ATP9B: variants seen among roughly 807,000 people sequenced by gnomAD.
ATP9B encodes the protein probable phospholipid-transporting ATPase IIB.
Under a neutral mutation model 146.1 loss-of-function variants are expected in ATP9B, and 110 were observed. That is an observed-to-expected ratio of 0.75 (90% confidence interval 0.65 to 0.88). ATP9B has a LOEUF of 0.88. Ranked by LOEUF, ATP9B falls within the 40% of genes least tolerant of loss-of-function variation. ATP9B has a pLI of 0.00. For synonymous variants in ATP9B, 604 were observed against 569.7 expected, an observed-to-expected ratio of 1.06 and a Z score of -0.86; for missense variants, 1,499 against 1,496.4, an observed-to-expected ratio of 1.00 and a Z score of -0.03.
chr18:79,090,840 C>A (rs765082126), intron 1 of ATP9B, among the ~76,000 whole-genome samples: 1 of 151,998 alleles, frequency 6.6e-6, no homozygotes, highest in East Asian at 1.9e-4. Context: ...GGGGTATTGC[C>A]GAAGAAGTCT....
chr18:79,245,856 ACCGCC>A (rs2095949085), intron 11 of ATP9B, among the ~76,000 whole-genome samples: 1 of 133,408 alleles, frequency 7.5e-6, no homozygotes, highest in Non-Finnish European at 1.6e-5. Flanking sequence ...TGCGGAGGGC[ACCGCC>A]CTACTGTCTG....
Position 79,176,841 on chromosome 18 carries a change from A to C in ATP9B, c.807A>C (p.Leu269=). The change falls in exon 8 of 30, where the codon CTA becomes CTC. Residue 269 remains leucine, a synonymous_variant. Transcript: ENST00000426216. ...CGTGTTTTATTCGAACTGATCAACT[A>C]GATGGTGAAACTGACTGGAAGCTGA... ...AGSCFIRTDQ[L]DGETDWKLKV... 6.2e-7 allele frequency: 1 copy of C among 1,614,116 alleles called. No homozygotes were observed. The highest frequency in any genetic ancestry group is 8.5e-7 in the Non-Finnish European group (1 of 1,179,992).
intron 26 of ATP9B, among the ~76,000 whole-genome samples, chr18:79,369,234 T>C (rs1161880298): frequency 6.7e-6 from 1 of 149,890 alleles, no homozygotes; most frequent in Non-Finnish European, 1.5e-5. Context: ...CCGTCTCTAC[T>C]AAAAATACAA....
At chr18:79,198,436 AT>A (rs2095436627) in intron 9 of ATP9B, among the ~76,000 whole-genome samples, 1 of 152,222 alleles carries the variant, frequency 6.6e-6, no homozygotes, top group Non-Finnish European at 1.5e-5. Flanking sequence ...AGCCCTAAAC[AT>A]TTATGCACTA....
At chr18:79,275,820 C>A (rs2096302127) in intron 12 of ATP9B, among the ~76,000 whole-genome samples, 2 of 152,184 alleles carry the variant, frequency 1.3e-5, no homozygotes, top group African/African-American at 4.8e-5. Context: ...TGGTGAGGTG[C>A]TGGTTTAAAA....
At chr18:79,155,779 T>C (rs1301461437) in intron 7 of ATP9B, among the ~76,000 whole-genome samples, 137 of 105,812 alleles carry the variant, frequency 1.3e-3, no homozygotes, top group African/African-American at 5.7e-3. Flanking sequence ...TTTTTTTTTT[T>C]TGAGATGGAG....
intron 12 of ATP9B, chr18:79,254,590 C>T (rs1044644357): frequency 6.6e-6 from 1 of 152,350 alleles, no homozygotes; most frequent in Non-Finnish European, 1.5e-5. Context: ...ATAGCAACTT[C>T]TCATTGCGGC....
intron 1 of ATP9B, among the ~76,000 whole-genome samples, chr18:79,089,771 A>C (rs921534884): frequency 6.6e-6 from 1 of 152,196 alleles, no homozygotes; most frequent in Non-Finnish European, 1.5e-5. Flanking sequence ...TGTGTTAGGA[A>C]CTTTGCAATT....
At chr18:79,360,222 C>G (rs1336699573) in intron 26 of ATP9B, 6 of 152,180 alleles carry the variant, frequency 3.9e-5, no homozygotes, top group African/African-American at 1.4e-4. Context: ...GTATTTTCCA[C>G]AAAGCTAGCT....
intron 13 of ATP9B, among the ~76,000 whole-genome samples, chr18:79,291,324 T>G (rs146676280): frequency 6.6e-6 from 1 of 152,178 alleles, no homozygotes; most frequent in African/African-American, 2.4e-5. Context: ...AGCTTCCAAT[T>G]TGGGGGCATA....
chr18:79,072,041 T>A (rs1201437704), intron 1 of ATP9B, among the ~76,000 whole-genome samples: 1 of 152,118 alleles, frequency 6.6e-6, no homozygotes, highest in African/African-American at 2.4e-5. Flanking sequence ...TTGGATCTTA[T>A]GTTGGTGTTT....
chr18:79,074,457 T>C (rs2072355226), intron 1 of ATP9B, among the ~76,000 whole-genome samples: 1 of 152,246 alleles, frequency 6.6e-6, no homozygotes, highest in Non-Finnish European at 1.5e-5. Context: ...TCTTAGGTTA[T>C]GGATAAAAAG....
intron 11 of ATP9B, among the ~76,000 whole-genome samples, chr18:79,245,618 ACTG>A (rs1314387766): frequency 1.1e-4 from 7 of 65,592 alleles, no homozygotes; most frequent in African/African-American, 1.3e-4. Flanking sequence ...GTACCACCCT[ACTG>A]ACTGGGGAGG....
chr18:79,093,020 T>C (rs149846648), intron 1 of ATP9B, among the ~76,000 whole-genome samples: 2 of 152,264 alleles, frequency 1.3e-5, no homozygotes, highest in African/African-American at 4.8e-5. Context: ...GCACAATAGA[T>C]TTGATTTACA....
chr18:79,141,536 A>G (rs2094514273), intron 5 of ATP9B, among the ~76,000 whole-genome samples: 1 of 152,248 alleles, frequency 6.6e-6, no homozygotes, highest in Admixed American at 6.5e-5. Context: ...AAATACTAGC[A>G]TTTACATTGA....
intron 1 of ATP9B, among the ~76,000 whole-genome samples, chr18:79,075,255 C>T (rs1017940367): frequency 2.6e-5 from 4 of 152,188 alleles, no homozygotes; most frequent in Admixed American, 1.3e-4. Flanking sequence ...GGGCTCAAGC[C>T]ATCCTCCTGC....
chr18:79,337,903 C>A (rs2096836575), intron 19 of ATP9B, among the ~76,000 whole-genome samples: 1 of 152,224 alleles, frequency 6.6e-6, no homozygotes, highest in Non-Finnish European at 1.5e-5. Flanking sequence ...CCTGGCAAGG[C>A]TGGGCCACTG....
intron 26 of ATP9B, chr18:79,361,821 T>C (rs972850780): frequency 1.0e-6 from 1 of 985,236 alleles, no homozygotes; most frequent in African/African-American, 1.7e-5. Context: ...GCCAACGCAG[T>C]TTATCCACAC....
At chr18:79,344,145 T>A (rs1461290351) in intron 20 of ATP9B, 120 bp from the exon 21 acceptor site, 1 of 926,830 alleles carries the variant, frequency 1.1e-6, no homozygotes, top group Non-Finnish European at 1.7e-6. Context: ...TAAAGCTCCT[T>A]TGGTTTTAGA....
Sources: gnomAD v4.1 joint callset for allele counts (sites outside exome capture counted in the v4.1 genomes callset) on GRCh38, gnomAD v4.1.1 for gene constraint, MANE v1.5 for transcripts, NCBI Gene and HGNC (gene_info 2026-07-23, HGNC 2026-07-21) for gene names.